Variants in MREG observed in about 807,000 individuals in gnomAD.
MREG encodes dilute suppressor protein homolog.
MREG carries 31 observed loss-of-function variants against 28.5 expected under a neutral mutation model. The ratio of observed to expected loss-of-function variants is 1.09; its 90% CI spans 0.82 to 1.47. MREG has a LOEUF of 1.47. Ranked by LOEUF, MREG falls within the 40% of genes most tolerant of loss-of-function variation. The pLI, the probability that MREG is intolerant of heterozygous loss-of-function variation, is 0.00. For missense variants in MREG, 256 were observed against 257.4 expected (o/e 0.99, Z 0.04); for synonymous variants, 106 against 95.2 (o/e 1.11, Z -0.66).
chr2:215,974,831 C>CAG lies in MREG; in HGVS notation c.255+21474_255+21475insCT, dbSNP rs1275078638. Among the ~76,000 whole-genome samples, 434 of 98,004 alleles carry CAG rather than the reference C, an allele frequency of 4.4e-3. 2 individuals are homozygous for CAG. The highest frequency in any genetic ancestry group is 8.1e-3 in the Non-Finnish European group (365 of 44,922). The allele number at this position is 98,004 out of a possible 152,430, so 64.3% of individuals were successfully genotyped here. On this transcript the variant is annotated intron_variant, in intron 2 of 4. Coordinates refer to ENST00000263268, the MANE Select transcript of MREG (RefSeq NM_018000.3). ...AGACACAGACACACACACAGACACA[C>CAG]ACACACACACACACACACACACTCT...
chr2:216,024,882 CAAAAAA>C (rs1295218041), intron 1 of MREG, among the ~76,000 whole-genome samples: 13 of 48,768 alleles, frequency 2.7e-4, no homozygotes, highest in African/African-American at 1.0e-3. Context: ...GACTCTGTCT[CAAAAAA>C]AAAAAAGGAA....
At chr2:215,965,623 C>G (rs1303883804) in intron 2 of MREG, among the ~76,000 whole-genome samples, 1 of 152,200 alleles carries the variant, frequency 6.6e-6, no homozygotes, top group African/African-American at 2.4e-5. Context: ...ATTATTCCTC[C>G]AGGATACCTA....
intron 2 of MREG, among the ~76,000 whole-genome samples, chr2:215,995,181 T>C (rs1270940545): frequency 6.6e-6 from 1 of 152,154 alleles, no homozygotes; most frequent in African/African-American, 2.4e-5. Flanking sequence ...GGGATTTTGC[T>C]GGGGACATGG....
At chr2:215,949,035 T>A (rs896437294) in intron 2 of MREG, among the ~76,000 whole-genome samples, 3 of 131,076 alleles carry the variant, frequency 2.3e-5, no homozygotes, top group Non-Finnish European at 3.3e-5. Context: ...AAACCCTGTC[T>A]CTACTACTAC....
At chr2:216,006,236 G>A (rs993500625) in intron 1 of MREG, among the ~76,000 whole-genome samples, 2 of 152,200 alleles carry the variant, frequency 1.3e-5, no homozygotes, top group African/African-American at 4.8e-5. Flanking sequence ...GAAGAGGGAC[G>A]CTGTGGCTTG....
At chr2:215,947,822 C>A (rs1240639650) in intron 2 of MREG, among the ~76,000 whole-genome samples, 2 of 152,260 alleles carry the variant, frequency 1.3e-5, no homozygotes, top group African/African-American at 2.4e-5. Flanking sequence ...GATTAAAGTT[C>A]TTTATCAGTC....
intron 2 of MREG, among the ~76,000 whole-genome samples, chr2:215,989,830 A>C (rs1292470235): frequency 6.6e-6 from 1 of 152,016 alleles, no homozygotes; most frequent in African/African-American, 2.4e-5. Context: ...ATAAAGCATG[A>C]AGACAAGATT....
upstream of MREG, among the ~76,000 whole-genome samples, chr2:216,017,435 C>T (rs1160796130): frequency 6.6e-6 from 1 of 152,200 alleles, no homozygotes; most frequent in Non-Finnish European, 1.5e-5. Flanking sequence ...TCCAGTTTCA[C>T]ATTCAAATAT....
At chr2:216,006,243 C>T (rs1694151531) in intron 1 of MREG, among the ~76,000 whole-genome samples, 1 of 152,194 alleles carries the variant, frequency 6.6e-6, no homozygotes, top group African/African-American at 2.4e-5. Flanking sequence ...GACGCTGTGG[C>T]TTGCCGGGGA....
intron 2 of MREG, among the ~76,000 whole-genome samples, chr2:215,972,619 A>G (rs1449392055): frequency 2.5e-5 from 1 of 40,406 alleles, no homozygotes; most frequent in Non-Finnish European, 5.1e-5. Flanking sequence ...CTCTCCCAGA[A>G]AAAAAAAAAA....
intron 2 of MREG, among the ~76,000 whole-genome samples, chr2:215,972,071 G>A (rs147883269): frequency 4.6e-5 from 7 of 152,178 alleles, no homozygotes; most frequent in African/African-American, 1.4e-4. Context: ...CCACAAGATC[G>A]TTTTGGACAG....
intron 2 of MREG, among the ~76,000 whole-genome samples, chr2:215,971,850 G>A (rs921981017): frequency 1.3e-5 from 2 of 152,170 alleles, no homozygotes; most frequent in African/African-American, 4.8e-5. Context: ...AGTATATGAA[G>A]GACAGTCTGT....
At chr2:215,979,978 C>CAAAAAAAAAAAAAA (rs5838560) in intron 2 of MREG, among the ~76,000 whole-genome samples, 1 of 143,388 alleles carries the variant, frequency 7.0e-6, no homozygotes, top group Non-Finnish European at 1.5e-5. Context: ...AACAAACAAA[C>CAAAAAAAAAAAAAA]AAAAAAAAAA....
At chr2:215,954,446 A>ACACAC (rs1491455338) in intron 2 of MREG, among the ~76,000 whole-genome samples, 113 of 1,272 alleles carry the variant, frequency 0.089, no homozygotes, top group Admixed American at 0.15. Context: ...TCTGTGTACA[A>ACACAC]CACACACACA....
At chr2:216,020,465 G>A (rs35945628) in intron 1 of MREG, among the ~76,000 whole-genome samples, 46,950 of 151,958 alleles carry the variant, frequency 0.31, 7,561 homozygotes, top group Admixed American at 0.4. Context: ...TGATCAACAG[G>A]CCCAGGCTTG....
chr2:216,033,810 ACGG>A (rs1323966567), upstream of MREG: 7 of 152,342 alleles, frequency 4.6e-5, no homozygotes, highest in Non-Finnish European at 1.0e-4. Flanking sequence ...AGACTGAGCC[ACGG>A]CTGCTTGAAA....
At chr2:216,003,491 A>G (rs1030184650) in intron 1 of MREG, among the ~76,000 whole-genome samples, 8 of 152,108 alleles carry the variant, frequency 5.3e-5, no homozygotes, top group Non-Finnish European at 1.2e-4. Flanking sequence ...CTCTGCTTTC[A>G]TTCACACCTG....
intron 2 of MREG, among the ~76,000 whole-genome samples, chr2:215,974,850 ACACTCTCTCTCTCTCT>A (rs1239629284): frequency 1.2e-3 from 158 of 133,028 alleles, no homozygotes; most frequent in African/African-American, 4.2e-3. Context: ...ACACACACAC[ACACTCTCTCTCTCTCT>A]CTCTCTCTCC....
rs1692273776 is a variant in MREG at position 215,944,624 on chromosome 2, A to G, written c.*239T>C. 2 of 351,386 alleles carry G rather than the reference A, an allele frequency of 5.7e-6. No homozygotes were observed. The highest frequency in any genetic ancestry group is 8.3e-5 in the East Asian group (2 of 23,996). The allele number at this position is 351,386 out of a possible 1,614,324, so 21.8% of individuals were successfully genotyped here. On this transcript the variant is annotated 3_prime_UTR_variant, in exon 5 of 5. Coordinates refer to ENST00000263268, the MANE Select transcript of MREG (RefSeq NM_018000.3). The stretch of plus-strand genomic sequence containing the variant: ...TGGAACCACCCATTATGAACTATCC[A>G]TCTGACCAACTCTTTAACTTTCTTC...
Sources: gnomAD v4.1 joint callset for allele counts (sites outside exome capture counted in the v4.1 genomes callset) on GRCh38, gnomAD v4.1.1 for gene constraint, MANE v1.5 for transcripts, NCBI Gene and HGNC (gene_info 2026-07-23, HGNC 2026-07-21) for gene names.